The following SCUBE3 variants were observed in gnomAD, a reference collection of about 807,000 sequenced individuals.
SCUBE3 encodes signal peptide, CUB domain and EGF like domain containing 3, also known as signal peptide, CUB and EGF-like domain-containing protein 3.
SCUBE3 carries 33 observed loss-of-function variants against 116.8 expected under a neutral mutation model. That is an observed-to-expected ratio of 0.28 (90% CI 0.21 to 0.38). The LOEUF (loss-of-function observed/expected upper bound fraction) is 0.38, where lower values mean the gene tolerates loss of function less well. Ranked by LOEUF, SCUBE3 falls within the 10% of genes least tolerant of loss-of-function variation. The probability of loss-of-function intolerance (pLI) is 1.00; values close to 1 mark genes in which losing one functional copy is unlikely to be tolerated. For synonymous variants in SCUBE3, 418 were observed against 496.9 expected (o/e 0.84, Z 2.11); for missense variants, 1,007 against 1,324.8 (o/e 0.76, Z 3.72).
Position 35,252,687 on chromosome 6 carries a change from T to C in SCUBE3, c.*3982T>C, listed in dbSNP as rs1784595137. On this transcript the variant is annotated 3_prime_UTR_variant, in exon 22 of 22. Transcript: ENST00000274938. ...TCTCAAAAGTAGCACACCCTATCCT[T>C]GTGCCATTATTTGTACAAGGAAATA... 1 of 152,212 alleles carries C rather than the reference T, an allele frequency of 6.6e-6. No homozygotes were observed. The highest frequency in any genetic ancestry group is 6.5e-5 in the Admixed American group (1 of 15,286). The allele number at this position is 152,212 out of a possible 1,614,324, so 9.4% of individuals were successfully genotyped here. A position where few individuals can be genotyped will look rare whatever the true frequency, so the allele number is the denominator to read the frequency against.
Position 35,243,255 on chromosome 6 carries a change from G to A in SCUBE3, c.1909+19G>A, listed in dbSNP as rs199883586. On this transcript the variant is annotated intron_variant, in intron 15 of 21. Coordinates refer to ENST00000274938, the MANE Select transcript of SCUBE3 (RefSeq NM_152753.4). The surrounding 1 kb of genome is among the most constrained non-coding windows in gnomAD (Gnocchi z 6.6). ...AAGTGTGGTAAGGGAGCTTACTGGG[G>A]AGCAGGGATGTAGGAAAGACCCAGT... 747 of 1,603,250 alleles carry A rather than the reference G, an allele frequency of 4.7e-4. No homozygotes were observed. Among genetic ancestry groups the A allele is most frequent in the Non-Finnish European group, 6.1e-4 (710 of 1,172,396 alleles).
chr6:35,243,418 G>A lies in SCUBE3; in HGVS notation c.1910-176G>A, dbSNP rs1170118745. On this transcript the variant is annotated intron_variant, in intron 15 of 21. Transcript: ENST00000274938. The surrounding 1 kb of genome is among the most constrained non-coding windows in gnomAD (Gnocchi z 6.6). ...TCTAGAAGGATGCCAGGTGGGGCCA[G>A]CAATCCTCCTGCACACGGTTTTGAC... 6.6e-6 allele frequency among the ~76,000 whole-genome samples: 1 copy of A among 152,168 alleles called. No individual in the cohort carries two copies. Among genetic ancestry groups the A allele is most frequent in the East Asian group, 1.9e-4 (1 of 5,192 alleles).
Position 35,242,609 on chromosome 6 carries a change from C to T in SCUBE3, c.1535-13C>T. Reference sequence around the variant, plus strand: ...AGGGGATGTCCCTGGGGTTGACAAGCCCTCTCTCCCAGGTGGTGCCCCCTG... The same window carrying T: ...AGGGGATGTCCCTGGGGTTGACAAGTCCTCTCTCCCAGGTGGTGCCCCCTG... On this transcript the variant is annotated splice_polypyrimidine_tract_variant and intron_variant, in intron 13 of 21. Transcript: ENST00000274938. The T allele has an allele frequency of 6.2e-7, 1 of 1,600,512 alleles. No individual in the cohort carries two copies. The highest frequency in any genetic ancestry group is 1.1e-5 in the South Asian group (1 of 90,688).
chr6:35,233,789 G>C lies in SCUBE3; in HGVS notation c.712+488G>C, dbSNP rs1478306279. ...TGGAACAACCATCCCTGAACTGACTGACAGATGGGGTTTCCTGGCTCCAGG... is the reference window on the plus strand; with the variant it reads ...TGGAACAACCATCCCTGAACTGACTCACAGATGGGGTTTCCTGGCTCCAGG... On this transcript the variant is annotated intron_variant, in intron 6 of 21. Coordinates refer to ENST00000274938, the MANE Select transcript of SCUBE3 (RefSeq NM_152753.4). This position sits in a 1 kb window ranked among gnomAD's most constrained non-coding sequence, Gnocchi z 5.7. 6.6e-6 allele frequency among the ~76,000 whole-genome samples: 1 copy of C among 152,158 alleles called. No homozygotes were observed. The highest frequency in any genetic ancestry group is 1.5e-5 in the Non-Finnish European group (1 of 68,026).
In SCUBE3 at chr6:35,245,269, A is replaced by G; in HGVS notation, c.2443A>G (p.Ile815Val). 6.2e-7 allele frequency: 1 copy of G among 1,614,034 alleles called. No homozygotes were observed. The highest frequency in any genetic ancestry group is 8.5e-7 in the Non-Finnish European group (1 of 1,180,022). The change falls in exon 19 of 22, where the codon ATT becomes GTT. Residue 815 changes from isoleucine to valine, a missense_variant. This residue lies in a region of SCUBE3 where 544 missense variants were observed against 638.9 expected (regional missense o/e 0.85). Transcript: ENST00000274938. The surrounding 1 kb of genome is among the most constrained non-coding windows in gnomAD (Gnocchi z 4.2). Reference protein sequence around the residue: ...GGELGEFTGYIESPNYPGNYP... With the variant: ...GGELGEFTGYVESPNYPGNYP... Reference sequence around the variant, plus strand: ...GGAGCTGGGTGAGTTCACTGGCTATATTGAGTCCCCCAACTACCCGGGCAA... The same window carrying G: ...GGAGCTGGGTGAGTTCACTGGCTATGTTGAGTCCCCCAACTACCCGGGCAA...
Position 35,250,315 on chromosome 6 carries a change from C to A in SCUBE3, c.*1610C>A, listed in dbSNP as rs1784505542. 6.6e-6 allele frequency: 1 copy of A among 152,244 alleles called. No individual in the cohort carries two copies. The highest frequency in any genetic ancestry group is 2.4e-5 in the African/African-American group (1 of 41,430). 9.4% of individuals were successfully genotyped at this position (152,244 alleles called of 1,614,324 possible). ...TCTCTACCCCAAGTAGGGAAAACCT[C>A]CATCTTTTCCCTGTCTTCATCCTGT... On this transcript the variant is annotated 3_prime_UTR_variant, in exon 22 of 22. Transcript: ENST00000274938.
chr6:35,233,069 G>A lies in SCUBE3; in HGVS notation c.595+94G>A. 1 of 1,530,580 alleles carries A rather than the reference G, an allele frequency of 6.5e-7. No individual in the cohort carries two copies. Among genetic ancestry groups the A allele is most frequent in the South Asian group, 1.2e-5 (1 of 85,372 alleles). The allele number at this position is 1,530,580 out of a possible 1,614,324, so 94.8% of individuals were successfully genotyped here. On this transcript the variant is annotated intron_variant, in intron 5 of 21. Coordinates refer to ENST00000274938, the MANE Select transcript of SCUBE3 (RefSeq NM_152753.4). This position sits in a 1 kb window ranked among gnomAD's most constrained non-coding sequence, Gnocchi z 5.7. Reference sequence around the variant, plus strand: ...CTTCAGGAGCAAGAGGACAGGGCTGGGAGGAAAAGGGAGTATGGGGGAGGC... The same window carrying A: ...CTTCAGGAGCAAGAGGACAGGGCTGAGAGGAAAAGGGAGTATGGGGGAGGC...
intron 1 of SCUBE3, among the ~76,000 whole-genome samples, chr6:35,226,587 A>G (rs1317116017): frequency 6.9e-6 from 1 of 145,184 alleles, no homozygotes; most frequent in Non-Finnish European, 1.5e-5. Context: ...GGTTCAAGCG[A>G]TTCTCCTGCC....
Position 35,214,388 on chromosome 6 carries a change from C to T in SCUBE3, c.-31C>T. 1 of 1,391,836 alleles carries T rather than the reference C, an allele frequency of 7.2e-7. No individual in the cohort carries two copies. Among genetic ancestry groups the T allele is most frequent in the Non-Finnish European group, 9.4e-7 (1 of 1,061,750 alleles). 86.2% of individuals were successfully genotyped at this position (1,391,836 alleles called of 1,614,324 possible). On this transcript the variant is annotated 5_prime_UTR_variant, in exon 1 of 22. Coordinates refer to ENST00000274938, the MANE Select transcript of SCUBE3 (RefSeq NM_152753.4). The surrounding 1 kb of genome is among the most constrained non-coding windows in gnomAD (Gnocchi z 6.3). ...GCCCTCCCCTGGCCGCGAGACCGGC[C>T]CCGGCGGCTGGGCCGCCAGTAGCTC... is the stretch of plus-strand genomic sequence containing the variant.
intron 1 of SCUBE3, among the ~76,000 whole-genome samples, chr6:35,226,799 C>G (rs1013897262): frequency 6.6e-6 from 1 of 151,762 alleles, no homozygotes; most frequent in African/African-American, 2.4e-5. Flanking sequence ...CTTTCCTAAC[C>G]ATCCTCTTTT....
chr6:35,240,244 A>C lies in SCUBE3; in HGVS notation c.953-130A>C. On this transcript the variant is annotated intron_variant, in intron 8 of 21. Coordinates refer to ENST00000274938, the MANE Select transcript of SCUBE3 (RefSeq NM_152753.4). The surrounding 1 kb of genome is among the most constrained non-coding windows in gnomAD (Gnocchi z 4.6). The stretch of plus-strand genomic sequence containing the variant: ...ATGGCATTGTTAAATCACTGGTCCT[A>C]GAGCTAGGACATGAATAGGAACTCT... 1.7e-6 allele frequency: 1 copy of C among 584,318 alleles called. No homozygotes were observed. The highest frequency in any genetic ancestry group is 3.0e-6 in the Non-Finnish European group (1 of 331,852). 36.2% of individuals were successfully genotyped at this position (584,318 alleles called of 1,614,324 possible). A position where few individuals can be genotyped will look rare whatever the true frequency, so the allele number is the denominator to read the frequency against.
Position 35,243,674 on chromosome 6 carries a change from G to A in SCUBE3, c.1990G>A (p.Glu664Lys), listed in dbSNP as rs759449970. ...PCPAGTFQER[E>K]GQLSCDLCPG... ...CCCAGCGGGCACCTTCCAGGAGAGA[G>A]AAGGGCAGCTCTCCTGCGACCTTTG... The change falls in exon 16 of 22, where the codon GAA becomes AAA. Residue 664 changes from glutamate to lysine, a missense_variant. Physicochemically the swap from Glu to Lys is moderately conservative, Grantham distance 56 (BLOSUM62 1). Transcript: ENST00000274938. This position sits in a 1 kb window ranked among gnomAD's most constrained non-coding sequence, Gnocchi z 6.6. 1.2e-6 allele frequency: 2 copies of A among 1,614,024 alleles called. No individual in the cohort carries two copies. The highest frequency in any genetic ancestry group is 4.5e-5 in the East Asian group (2 of 44,870).
In SCUBE3 at chr6:35,240,452, A is replaced by G. The variant is rs1429673352; in HGVS notation, c.1031A>G (p.His344Arg). 2 of 1,610,154 alleles carry G rather than the reference A, an allele frequency of 1.2e-6. No homozygotes were observed. The highest frequency in any genetic ancestry group is 3.4e-5 in the Admixed American group (2 of 59,624). ...CCAGGAAGCTTCCAGTGTCTCTGCC[A>G]TCGTGGCTACCTGTTGTATGGTATC... ...NTPGSFQCLC[H>R]RGYLLYGITH... The change falls in exon 9 of 22, where the codon CAT (histidine) becomes CGT (arginine). Residue 344 changes from histidine to arginine, a missense_variant. Physicochemically the swap from His to Arg is conservative, Grantham distance 29 (BLOSUM62 0). This residue lies in a region of SCUBE3 where 214 missense variants were observed against 316.7 expected (regional missense o/e 0.68). Coordinates refer to ENST00000274938, the MANE Select transcript of SCUBE3 (RefSeq NM_152753.4). The surrounding 1 kb of genome is among the most constrained non-coding windows in gnomAD (Gnocchi z 4.6).
rs1784491694 is a variant in SCUBE3 at position 35,249,858 on chromosome 6, C to G, written c.*1153C>G. On this transcript the variant is annotated 3_prime_UTR_variant, in exon 22 of 22. Transcript: ENST00000274938. ...GCACTTGGCGAGCCTCCTGCCCACC[C>G]TGTCCACACCTAATAAGTGCAATCA... 1 of 152,700 alleles carries G rather than the reference C, an allele frequency of 6.5e-6. No individual in the cohort carries two copies. The highest frequency in any genetic ancestry group is 2.4e-5 in the African/African-American group (1 of 41,466). The allele number at this position is 152,700 out of a possible 1,614,324, so 9.5% of individuals were successfully genotyped here. A position where few individuals can be genotyped will look rare whatever the true frequency, so the allele number is the denominator to read the frequency against.
chr6:35,225,003 C>T (rs552842204), intron 1 of SCUBE3, among the ~76,000 whole-genome samples: 6 of 152,276 alleles, frequency 3.9e-5, no homozygotes, highest in South Asian at 2.1e-4. Flanking sequence ...GTGGCTATTG[C>T]GCATTTGGCC....
rs1782784843 is a variant in SCUBE3 at position 35,214,081 on chromosome 6, G to A, written c.-338G>A. Among the ~76,000 whole-genome samples, 1 of 152,198 alleles carries A rather than the reference G, an allele frequency of 6.6e-6. No homozygotes were observed. The highest frequency in any genetic ancestry group is 1.5e-5 in the Non-Finnish European group (1 of 68,028). The stretch of plus-strand genomic sequence containing the variant: ...CTGCAGCTCTCTCCCGGCGAAGCTG[G>A]GAATTGGGTGGGATTACACGGAGCA... On this transcript the variant is annotated 5_prime_UTR_variant, in exon 1 of 22. Coordinates refer to ENST00000274938, the MANE Select transcript of SCUBE3 (RefSeq NM_152753.4). The surrounding 1 kb of genome is among the most constrained non-coding windows in gnomAD (Gnocchi z 6.3).
At chr6:35,242,553 G>C (rs968572075) in intron 13 of SCUBE3, 69 bp from the exon 14 acceptor site, 2 of 1,377,362 alleles carry the variant, frequency 1.5e-6, no homozygotes, top group Non-Finnish European at 2.0e-6. Context: ...GATCTGGGGA[G>C]GTCTGTCTGG....
At chr6:35,230,309 TCAC>T (rs1406219507) in intron 3 of SCUBE3, among the ~76,000 whole-genome samples, 1 of 152,192 alleles carries the variant, frequency 6.6e-6, no homozygotes, top group Admixed American at 6.5e-5. Context: ...CCCCTGATTG[TCAC>T]CACATCTCAT....
rs775567234 is a variant in SCUBE3, at chr6:35,244,258, C to T, written c.2239+128C>T. The T allele has an allele frequency of 9.0e-6, 7 of 773,808 alleles. No individual in the cohort carries two copies. The highest frequency in any genetic ancestry group is 8.3e-6 in the Non-Finnish European group (4 of 483,716). 47.9% of individuals were successfully genotyped at this position (773,808 alleles called of 1,614,324 possible). ...ACCAGTAATGGGCCCAGCTACTTGA[C>T]CAACCATACCATCCTGCTTCCAGGA... is the stretch of plus-strand genomic sequence containing the variant. On this transcript the variant is annotated intron_variant, in intron 17 of 21. Transcript: ENST00000274938. This position sits in a 1 kb window ranked among gnomAD's most constrained non-coding sequence, Gnocchi z 4.3.
Sources: allele counts gnomAD v4.1 joint callset (sites outside exome capture counted in the v4.1 genomes callset), GRCh38; gene constraint gnomAD v4.1.1; regional missense constraint gnomAD v4.1.1; non-coding constraint Gnocchi (gnomAD v3.1); transcripts MANE v1.5; gene names NCBI Gene and HGNC (gene_info 2026-07-23, HGNC 2026-07-21).